Variants in MCEE observed in about 807,000 individuals in gnomAD.
MCEE encodes methylmalonyl-CoA epimerase.
Under a neutral mutation model 12.9 loss-of-function variants are expected in MCEE, and 6 were observed. The observed-to-expected ratio is 0.47, with a 90% CI of 0.26 to 0.92. MCEE has a LOEUF of 0.92. Ranked by LOEUF, MCEE falls within the 40% of genes least tolerant of loss-of-function variation. The probability of loss-of-function intolerance (pLI) is 0.16; values close to 1 mark genes in which losing one functional copy is unlikely to be tolerated. For missense variants in MCEE, 214 were observed against 212.1 expected, an observed-to-expected ratio of 1.01 and a Z score of -0.05; for synonymous variants, 78 against 77.9, an observed-to-expected ratio of 1.00 and a Z score of -0.01.
intron 2 of MCEE, chr2:71,110,771 ACT>A (rs1672870455): frequency 6.5e-6 from 1 of 153,024 alleles, no homozygotes; most frequent in African/African-American, 2.4e-5. Context: ...ACTTATGGAC[ACT>A]CTAGGAGGAG....
At position 71,125,207 on chromosome 2, in the gene MCEE, A is replaced by ATTTTTTTT. The variant is rs1217307224; in HGVS notation, c.41-665_41-664insAAAAAAAA. ...TATATAAATATATATATATATATATATATATTTTTTTTTTTTTTTGAGACG... is the reference window on the plus strand; with the variant it reads ...TATATAAATATATATATATATATATATTTTTTTTTATATTTTTTTTTTTTTTTGAGACG... On this transcript the variant is annotated intron_variant, in intron 1 of 2. Coordinates refer to ENST00000244217, the MANE Select transcript of MCEE (RefSeq NM_032601.4). 8.4e-4 allele frequency among the ~76,000 whole-genome samples: 39 copies of ATTTTTTTT among 46,592 alleles called. 2 individuals are homozygous for ATTTTTTTT. Among genetic ancestry groups the ATTTTTTTT allele is most frequent in the Non-Finnish European group, 1.6e-3 (32 of 19,730 alleles). The allele number at this position is 46,592 out of a possible 152,430, so 30.6% of individuals were successfully genotyped here. A position where few individuals can be genotyped will look rare whatever the true frequency, so the allele number is the denominator to read the frequency against.
chr2:71,129,946 G>A (rs1211981241), intron 1 of MCEE: 2 of 614,906 alleles, frequency 3.3e-6, no homozygotes, highest in Non-Finnish European at 5.9e-6. Context: ...CAGAGCCCAA[G>A]GCGCACAGCT....
intron 2 of MCEE, among the ~76,000 whole-genome samples, chr2:71,111,772 C>T (rs1038524300): frequency 1.3e-5 from 2 of 152,158 alleles, no homozygotes; most frequent in Non-Finnish European, 2.9e-5. Context: ...CTAAGTTCCA[C>T]GTGGATTCCC....
intron 1 of MCEE, among the ~76,000 whole-genome samples, chr2:71,125,111 C>T (rs1243166520): frequency 2.0e-5 from 3 of 148,598 alleles, no homozygotes; most frequent in Non-Finnish European, 4.5e-5. Context: ...CTCAGCCTCC[C>T]AAGTAGCTGG....
intron 2 of MCEE, among the ~76,000 whole-genome samples, chr2:71,122,928 G>C (rs1673127014): frequency 6.6e-6 from 1 of 152,202 alleles, no homozygotes; most frequent in African/African-American, 2.4e-5. Context: ...GGCCTTCCCA[G>C]CAACTCAATC....
chr2:71,125,207 A>ATTTT lies in MCEE; in HGVS notation c.41-665_41-664insAAAA, dbSNP rs1217307224. Among the ~76,000 whole-genome samples the ATTTT allele has an allele frequency of 1.9e-3, 89 of 46,588 alleles. 1 individual carries two copies. Among genetic ancestry groups the ATTTT allele is most frequent in the African/African-American group, 4.8e-3 (78 of 16,228 alleles). The allele number at this position is 46,588 out of a possible 152,430, so 30.6% of individuals were successfully genotyped here. A position where few individuals can be genotyped will look rare whatever the true frequency, so the allele number is the denominator to read the frequency against. On this transcript the variant is annotated intron_variant, in intron 1 of 2. Coordinates refer to ENST00000244217, the MANE Select transcript of MCEE (RefSeq NM_032601.4). ...TATATAAATATATATATATATATATATATATTTTTTTTTTTTTTTGAGACG... is the reference window on the plus strand; with the variant it reads ...TATATAAATATATATATATATATATATTTTTATATTTTTTTTTTTTTTTGAGACG...
chr2:71,124,008 A>G (rs1362647809), intron 2 of MCEE, among the ~76,000 whole-genome samples, 198 bp downstream of exon 2: 1 of 152,176 alleles, frequency 6.6e-6, no homozygotes. Context: ...AAAATACATT[A>G]ATATTATATG....
chr2:71,122,670 A>G (rs189930298), intron 2 of MCEE, among the ~76,000 whole-genome samples: 1 of 152,224 alleles, frequency 6.6e-6, no homozygotes, highest in African/African-American at 2.4e-5. Flanking sequence ...CAGCACGGAA[A>G]GACCTGCCCC....
chr2:71,110,320 A>G (rs1672862538), intron 2 of MCEE, among the ~76,000 whole-genome samples, 198 bp from the exon 3 acceptor site: 1 of 152,220 alleles, frequency 6.6e-6, no homozygotes. Context: ...TTTTCTAGGT[A>G]AGCAACCACA....
intron 2 of MCEE, among the ~76,000 whole-genome samples, chr2:71,115,012 A>G (rs17583054): frequency 0.13 from 19,727 of 152,192 alleles, 1,400 homozygotes; most frequent in East Asian, 0.28. Context: ...AAGTACAAGT[A>G]TCTATAATTT....
intron 1 of MCEE, 138 bp from the exon 2 acceptor site, chr2:71,124,681 C>A: frequency 1.4e-6 from 1 of 713,062 alleles, no homozygotes; most frequent in East Asian, 2.7e-5. Flanking sequence ...TGAAATGAAA[C>A]CAGGAGATAA....
chr2:71,117,021 A>G (rs1309249127), intron 2 of MCEE: 2 of 150,730 alleles, frequency 1.3e-5, no homozygotes, highest in Non-Finnish European at 2.9e-5. Context: ...CCTCTTAACT[A>G]TACATGACAT....
chr2:71,113,109 C>T (rs557115441), intron 2 of MCEE, among the ~76,000 whole-genome samples: 14 of 152,120 alleles, frequency 9.2e-5, no homozygotes, highest in African/African-American at 2.4e-4. Context: ...AATTGAACAA[C>T]GAAGTAGATG....
chr2:71,115,416 C>T (rs1281381829), intron 2 of MCEE, among the ~76,000 whole-genome samples: 1 of 140,562 alleles, frequency 7.1e-6, no homozygotes, highest in Non-Finnish European at 1.5e-5. Flanking sequence ...TGACATTGCA[C>T]TAGCATCTAC....
chr2:71,114,819 C>G (rs188162854), intron 2 of MCEE, among the ~76,000 whole-genome samples: 1 of 152,048 alleles, frequency 6.6e-6, no homozygotes. Context: ...AAAAAGATGA[C>G]GTGTAGCAAG....
At chr2:71,124,125 G>A (rs1673163731) in intron 2 of MCEE, 81 bp downstream of exon 2, 9 of 1,040,664 alleles carry the variant, frequency 8.6e-6, no homozygotes, top group Admixed American at 2.1e-5. Flanking sequence ...TAATGACAGT[G>A]ACCATAAATA....
intron 2 of MCEE, among the ~76,000 whole-genome samples, chr2:71,113,597 G>A (rs1034592657): frequency 1.8e-4 from 28 of 152,198 alleles, no homozygotes; most frequent in African/African-American, 6.8e-4. Flanking sequence ...AATGATCGGG[G>A]TATGTCAAAG....
chr2:71,126,068 T>C (rs944520416), intron 1 of MCEE, among the ~76,000 whole-genome samples: 10 of 151,926 alleles, frequency 6.6e-5, no homozygotes, highest in African/African-American at 2.2e-4. Flanking sequence ...AGGCTGCCCA[T>C]GTTGCTCCTG....
chr2:71,122,269 G>C lies in MCEE; in HGVS notation c.378+1937C>G, dbSNP rs550962640. Among the ~76,000 whole-genome samples, 3 of 152,234 alleles carry C rather than the reference G, an allele frequency of 2.0e-5. No homozygotes were observed. In the East Asian group the frequency reaches 5.8e-4, roughly 29 times the overall value. On this transcript the variant is annotated intron_variant, in intron 2 of 2. Transcript: ENST00000244217. ...CCACATCAGCCTCCCAAGTAGCTGG[G>C]ACTACAGGTGCATACCACCACACCT...
Sources: gnomAD v4.1 joint callset for allele counts (sites outside exome capture counted in the v4.1 genomes callset) on GRCh38, gnomAD v4.1.1 for gene constraint, MANE v1.5 for transcripts, NCBI Gene and HGNC (gene_info 2026-07-23, HGNC 2026-07-21) for gene names.